The following RYR1 variants were observed in gnomAD, a reference collection of about 807,000 sequenced individuals.
The protein encoded by RYR1 is ryanodine receptor 1.
RYR1 carries 342 observed loss-of-function variants against 583.5 expected under a neutral mutation model. The observed-to-expected ratio is 0.59, with a 90% CI of 0.54 to 0.64. The LOEUF (loss-of-function observed/expected upper bound fraction) is 0.64, where lower values mean the gene tolerates loss of function less well. Ranked by LOEUF, RYR1 falls within the 30% of genes least tolerant of loss-of-function variation. The pLI, the probability that RYR1 is intolerant of heterozygous loss-of-function variation, is 0.00. For missense variants in RYR1, 6,032 were observed against 6,917.2 expected, an observed-to-expected ratio of 0.87 and a Z score of 4.54; for synonymous variants, 2,791 against 2,822.5, an observed-to-expected ratio of 0.99 and a Z score of 0.35.
chr19:38,491,484 AG>A (rs1447722037), intron 37 of RYR1, among the ~76,000 whole-genome samples: 1 of 148,922 alleles, frequency 6.7e-6, no homozygotes, highest in African/African-American at 2.5e-5. Context: ...GCAGGAGTGC[AG>A]GGGCACAATC....
chr19:38,457,542 G>A lies in RYR1; in HGVS notation c.1837G>A (p.Val613Ile). The change falls in exon 17 of 106, where the codon GTA (valine) becomes ATA (isoleucine). Residue 613 changes from valine (V) to isoleucine (I), a missense_variant. By Grantham distance (29) the Val-to-Ile change is conservative. Transcript: ENST00000359596. ...CCTGTGTGTGTGTAATGGTGTGGCT[G>A]TACGCTCCAACCAAGATCTTATTAC... The part of the protein sequence containing the change: ...CSLCVCNGVA[V>I]RSNQDLITEN... 1 of 1,614,104 alleles carries A rather than the reference G, an allele frequency of 6.2e-7. No homozygotes were observed. The highest frequency in any genetic ancestry group is 8.5e-7 in the Non-Finnish European group (1 of 1,180,020).
intron 9 of RYR1, 70 bp downstream of exon 9, chr19:38,446,838 A>C (rs1972967169): frequency 4.9e-6 from 6 of 1,221,034 alleles, no homozygotes; most frequent in Admixed American, 3.7e-5. Flanking sequence ...AGGACAGAAA[A>C]GGTCTTGAGG....
chr19:38,546,617 C>T (rs1046967684), intron 88 of RYR1, 91 bp downstream of exon 88: 42 of 995,284 alleles, frequency 4.2e-5, no homozygotes, highest in Non-Finnish European at 6.7e-5. Context: ...CCCTAATCCT[C>T]AACCCCATCT....
intron 66 of RYR1, among the ~76,000 whole-genome samples, chr19:38,518,349 C>T (rs1485517193): frequency 2.7e-5 from 4 of 147,460 alleles, no homozygotes; most frequent in African/African-American, 7.6e-5. Context: ...CACTTGAGAC[C>T]AGGAGTTCAA....
At chr19:38,577,695 C>T (rs1296321552) in intron 97 of RYR1, among the ~76,000 whole-genome samples, 1 of 152,050 alleles carries the variant, frequency 6.6e-6, no homozygotes, top group Non-Finnish European at 1.5e-5. Flanking sequence ...ACTCAGGTGG[C>T]TGAGGCAGGA....
chr19:38,511,937 G>C, intron 61 of RYR1, 135 bp from the exon 62 acceptor site: 1 of 1,043,728 alleles, frequency 9.6e-7, no homozygotes, highest in Non-Finnish European at 1.5e-6. Flanking sequence ...AGTCTGGGGG[G>C]GTGGGGGTGC....
chr19:38,506,203 G>T (rs192009715), intron 54 of RYR1, 100 bp from the exon 55 acceptor site: 13 of 1,278,612 alleles, frequency 1.0e-5, no homozygotes, highest in Middle Eastern at 5.1e-4. Context: ...CCAGGGGAGG[G>T]TGGAGGGGGT....
chr19:38,502,909 T>C lies in RYR1; in HGVS notation c.7865T>C (p.Leu2622Pro). 6.2e-7 allele frequency: 1 copy of C among 1,611,946 alleles called. No individual in the cohort carries two copies. The change falls in exon 49 of 106, where the codon CTG becomes CCG. Residue 2622 changes from leucine (L) to proline (P), a missense_variant. By Grantham distance (98) the Leu-to-Pro change is moderately conservative (BLOSUM62 -3). Coordinates refer to ENST00000359596, the MANE Select transcript of RYR1 (RefSeq NM_000540.3). ...ATCCGCCCGTCGATGCTGCAGCACC[T>C]GTTGCGCCGCCTGGTGTTCGACGTG... ...RYIRPSMLQH[L>P]LRRLVFDVPI... is the part of the protein sequence containing the mutation.
intron 28 of RYR1, among the ~76,000 whole-genome samples, chr19:38,474,473 G>C (rs1968607217): frequency 6.6e-6 from 1 of 151,452 alleles, no homozygotes; most frequent in Non-Finnish European, 1.5e-5. Context: ...ATGTTGGCCA[G>C]GCTGGTCTCA....
rs2145744598 is a variant in RYR1 at position 38,534,863 on chromosome 19, CT to C, written c.11359+45del. 1.9e-6 allele frequency: 3 copies of C among 1,567,192 alleles called. No individual in the cohort carries two copies. In the Admixed American group the frequency reaches 5.6e-5, roughly 29 times the overall value. On this transcript the variant is annotated intron_variant, in intron 79 of 105. Coordinates refer to ENST00000359596, the MANE Select transcript of RYR1 (RefSeq NM_000540.3). Reference sequence around the variant, plus strand: ...CTGGACTCTTCCGAGTGCACTCATCCTAACCTCACTCCTCCTGGCTCGCCCA... The same window carrying C: ...CTGGACTCTTCCGAGTGCACTCATCCAACCTCACTCCTCCTGGCTCGCCCA...
chr19:38,561,463 A>G lies in RYR1; in HGVS notation c.12624+9A>G, dbSNP rs548515798. 8 of 1,602,564 alleles carry G rather than the reference A, an allele frequency of 5.0e-6. No individual in the cohort carries two copies. In the East Asian group the frequency reaches 1.6e-4, roughly 31 times the overall value. On this transcript the variant is annotated intron_variant, in intron 90 of 105. Transcript: ENST00000359596. This position sits in a 1 kb window ranked among gnomAD's most constrained non-coding sequence, Gnocchi z 4.8. Reference sequence around the variant, plus strand: ...AGTGGGAGATGCCCCAGGTCAGGGAACCCGCGCGCGTGCAAGCTCGCCTCC... The same window carrying G: ...AGTGGGAGATGCCCCAGGTCAGGGAGCCCGCGCGCGTGCAAGCTCGCCTCC...
chr19:38,583,852 C>T (rs113415654), intron 101 of RYR1, among the ~76,000 whole-genome samples: 1 of 152,056 alleles, frequency 6.6e-6, no homozygotes, highest in East Asian at 1.9e-4. Flanking sequence ...GCCCCTTGAC[C>T]GCGGGCTGGG....
intron 67 of RYR1, among the ~76,000 whole-genome samples, chr19:38,520,227 C>T (rs1222843486): frequency 5.3e-5 from 8 of 151,640 alleles, no homozygotes; most frequent in Admixed American, 5.3e-4. Context: ...CTCACACCAA[C>T]ATGCTCGGCT....
At position 38,546,523 on chromosome 19, in the gene RYR1, G is replaced by A; in HGVS notation, c.12091G>A (p.Glu4031Lys). The change falls in exon 88 of 106, where the codon GAA becomes AAA. Residue 4031 changes from glutamate (E) to lysine (K), a missense_variant. Coordinates refer to ENST00000359596, the MANE Select transcript of RYR1 (RefSeq NM_000540.3). The stretch of plus-strand genomic sequence containing the variant: ...GGTGGTGATGTTGCTGTCGCTACTA[G>A]AAGGTAAACACCCAGGAGTGAGGGT... The part of the protein sequence containing the change: ...DMVVMLLSLL[E>K]GNVVNGMIAR... 1 of 1,613,044 alleles carries A rather than the reference G, an allele frequency of 6.2e-7. No individual in the cohort carries two copies. The highest frequency in any genetic ancestry group is 8.5e-7 in the Non-Finnish European group (1 of 1,179,550).
chr19:38,585,935 C>T lies in RYR1; in HGVS notation c.14804-3C>T, dbSNP rs766925316. On this transcript the variant is annotated splice_polypyrimidine_tract_variant and splice_region_variant and intron_variant, in intron 102 of 105. Transcript: ENST00000359596. ...GGCACTGACTTGTGTCCTGCCACCC[C>T]AGGTCTGATCATCGACGCTTTTGGT... The T allele has an allele frequency of 6.2e-7, 1 of 1,613,986 alleles. No individual in the cohort carries two copies. The highest frequency in any genetic ancestry group is 8.5e-7 in the Non-Finnish European group (1 of 1,179,986).
At chr19:38,515,965 T>C (rs1043258559) in intron 64 of RYR1, 122 bp from the exon 65 acceptor site, 17 of 1,217,414 alleles carry the variant, frequency 1.4e-5, no homozygotes, top group African/African-American at 3.1e-5. Context: ...GTGGCACACA[T>C]GGATGAATGG....
intron 89 of RYR1, among the ~76,000 whole-genome samples, chr19:38,553,669 T>A (rs1294235681): frequency 6.6e-6 from 1 of 152,012 alleles, no homozygotes. Context: ...AAAACATTTA[T>A]CAAAATACAG....
chr19:38,567,116 C>CA (rs1973479506), intron 92 of RYR1, 129 bp downstream of exon 92: 2 of 1,452,200 alleles, frequency 1.4e-6, no homozygotes. Flanking sequence ...AGCCCAGACT[C>CA]AGGCACGGAG....
At chr19:38,440,657 A>C in intron 1 of RYR1, 88 bp from the exon 2 acceptor site, 1 of 1,507,880 alleles carries the variant, frequency 6.6e-7, no homozygotes. Context: ...TTTCATAAGG[A>C]CCAGGGTGGG....
Sources: allele counts gnomAD v4.1 joint callset (sites outside exome capture counted in the v4.1 genomes callset), GRCh38; gene constraint gnomAD v4.1.1; non-coding constraint Gnocchi (gnomAD v3.1); transcripts MANE v1.5; gene names NCBI Gene and HGNC (gene_info 2026-07-23, HGNC 2026-07-21).